Variants in LARP1 observed in about 807,000 individuals in gnomAD.
The protein encoded by LARP1 is la-related protein 1.
In LARP1, 36 loss-of-function variants were observed where a neutral mutation model predicts 122.7. The ratio of observed to expected loss-of-function variants is 0.29; its 90% confidence interval spans 0.22 to 0.39. LARP1 has a LOEUF of 0.39. Ranked by LOEUF, LARP1 falls within the 10% of genes least tolerant of loss-of-function variation. The pLI is 1.00. For missense variants in LARP1, 1,040 were observed against 1,403.6 expected (o/e 0.74, Z 4.14); for synonymous variants, 539 against 528.7 (o/e 1.02, Z -0.27).
At chr5:154,745,780 G>T (rs1399547961) in intron 1 of LARP1, among the ~76,000 whole-genome samples, 1 of 151,458 alleles carries the variant, frequency 6.6e-6, no homozygotes, top group Non-Finnish European at 1.5e-5. Context: ...GCAAAGCTGG[G>T]CCTAAACCCA....
intron 1 of LARP1, among the ~76,000 whole-genome samples, chr5:154,769,687 G>A (rs891980525): frequency 3.9e-5 from 6 of 152,210 alleles, no homozygotes; most frequent in Admixed American, 2.0e-4. Flanking sequence ...CCTCATCTGC[G>A]AAATGGATAT....
Position 154,814,173 on chromosome 5 carries a change from G to T in LARP1, c.*77G>T. ...AGTCCATGGGGGTGCCCAGTCCCAG[G>T]AAAGGGGACAATGAAGGGACAGGCC... On this transcript the variant is annotated 3_prime_UTR_variant, in exon 19 of 19. Coordinates refer to ENST00000518297, the MANE Select transcript of LARP1 (RefSeq NM_033551.3). 1 of 1,444,240 alleles carries T rather than the reference G, an allele frequency of 6.9e-7. No individual in the cohort carries two copies. The highest frequency in any genetic ancestry group is 1.7e-4 in the Middle Eastern group (1 of 5,744). 89.5% of individuals were successfully genotyped at this position (1,444,240 alleles called of 1,614,324 possible).
At chr5:154,721,480 C>G (rs1305892474) in intron 1 of LARP1, among the ~76,000 whole-genome samples, 2 of 152,104 alleles carry the variant, frequency 1.3e-5, no homozygotes, top group East Asian at 3.9e-4. Flanking sequence ...TGAAGGGGTC[C>G]TACGTTACCG....
In LARP1 at chr5:154,790,632, A is replaced by G. The variant is rs746368338; in HGVS notation, c.499-13A>G. 2 of 1,613,924 alleles carry G rather than the reference A, an allele frequency of 1.2e-6. No individual in the cohort carries two copies. The highest frequency in any genetic ancestry group is 2.2e-5 in the East Asian group (1 of 44,868). ...GTCACTCCTGGGGCCCTCATAGTGT[A>G]TGTTCCCTGCAGGTTGGTGACTTTG... On this transcript the variant is annotated splice_polypyrimidine_tract_variant and intron_variant, in intron 2 of 18. Transcript: ENST00000518297.
chr5:154,755,356 C>T (rs1224805820), upstream of LARP1, among the ~76,000 whole-genome samples: 3 of 150,340 alleles, frequency 2.0e-5, no homozygotes, highest in African/African-American at 2.4e-5. Flanking sequence ...CTGCTTGGCT[C>T]GCCGCGCCTC....
chr5:154,796,381 C>G (rs1757856244), intron 8 of LARP1, among the ~76,000 whole-genome samples: 1 of 151,078 alleles, frequency 6.6e-6, no homozygotes, highest in African/African-American at 2.4e-5. Context: ...TGTGTATTGT[C>G]TTATTAAGTC....
At chr5:154,792,529 T>TG in intron 3 of LARP1, 93 bp from the exon 4 acceptor site, 1 of 1,154,664 alleles carries the variant, frequency 8.7e-7, no homozygotes. Context: ...ATGCTGTGGC[T>TG]CCTGCCTGCC....
intron 1 of LARP1, among the ~76,000 whole-genome samples, chr5:154,686,852 T>C (rs1304720758): frequency 6.6e-6 from 1 of 152,234 alleles, no homozygotes; most frequent in African/African-American, 2.4e-5. Context: ...TCCAGTCCCA[T>C]GGATCACTGT....
chr5:154,800,375 T>C (rs1758251005), intron 10 of LARP1, among the ~76,000 whole-genome samples: 1 of 152,174 alleles, frequency 6.6e-6, no homozygotes, highest in African/African-American at 2.4e-5. Context: ...TTTCTGGGGC[T>C]GCGTTTTTGG....
At chr5:154,795,481 C>A (rs1381657744) in intron 8 of LARP1, among the ~76,000 whole-genome samples, 162 bp downstream of exon 8, 1 of 152,108 alleles carries the variant, frequency 6.6e-6, no homozygotes, top group Non-Finnish European at 1.5e-5. Flanking sequence ...TCCTTCCTTT[C>A]TCTCCCTCTC....
rs764571571 is a variant in LARP1 at position 154,808,606 on chromosome 5, G to A, written c.2843+3G>A. 10 of 1,611,860 alleles carry A rather than the reference G, an allele frequency of 6.2e-6. No individual in the cohort carries two copies. In the South Asian group the frequency reaches 1.1e-4, roughly 18 times the overall value. On this transcript the variant is annotated splice_donor_region_variant and intron_variant, in intron 16 of 18. Coordinates refer to ENST00000518297, the MANE Select transcript of LARP1 (RefSeq NM_033551.3). The stretch of plus-strand genomic sequence containing the variant: ...GAGGACGCCAAAGAAGGCTACAGGT[G>A]AGCAGGTTTGGGTGGGGGACTTTGG...
intron 1 of LARP1, among the ~76,000 whole-genome samples, chr5:154,696,128 A>G (rs1402266349): frequency 1.3e-5 from 2 of 152,180 alleles, no homozygotes; most frequent in Non-Finnish European, 2.9e-5. Context: ...AGGCCAAGGC[A>G]GGGAGATTGC....
chr5:154,766,575 C>T (rs1006267689), intron 1 of LARP1, among the ~76,000 whole-genome samples: 1 of 152,160 alleles, frequency 6.6e-6, no homozygotes, highest in South Asian at 2.1e-4. Flanking sequence ...TCATGCTTGC[C>T]TGCTTGCCCC....
chr5:154,813,841 C>T lies in LARP1; in HGVS notation c.3082-46C>T, dbSNP rs182688480. 7.0e-4 allele frequency: 1,079 copies of T among 1,532,138 alleles called. 11 individuals are homozygous for T. The African/African-American group carries it at 0.013, about 19-fold the overall frequency. 94.9% of individuals were successfully genotyped at this position (1,532,138 alleles called of 1,614,324 possible). A position where few individuals can be genotyped will look rare whatever the true frequency, so the allele number is the denominator to read the frequency against. ...TAGACGGGCCTGGCAAGGAAGAGGG[C>T]GTAGATAGTGCTTCTGATCACCTGT... On this transcript the variant is annotated intron_variant, in intron 18 of 18. Transcript: ENST00000518297.
At chr5:154,693,626 C>T (rs1056899281) in intron 1 of LARP1, among the ~76,000 whole-genome samples, 1 of 152,008 alleles carries the variant, frequency 6.6e-6, no homozygotes, top group African/African-American at 2.4e-5. Context: ...GAGGCCGAGG[C>T]GGGCGGATCA....
At chr5:154,724,612 C>T (rs1284100641) in intron 1 of LARP1, among the ~76,000 whole-genome samples, 2 of 151,840 alleles carry the variant, frequency 1.3e-5, no homozygotes, top group Non-Finnish European at 2.9e-5. Context: ...GTAAACAAGG[C>T]TTTCCATTTC....
intron 8 of LARP1, among the ~76,000 whole-genome samples, chr5:154,796,677 C>T (rs4958390): frequency 3.3e-5 from 5 of 152,088 alleles, no homozygotes; most frequent in Admixed American, 2.6e-4. Context: ...CAGCAGTGTT[C>T]GTTAGGATTG....
intron 1 of LARP1, chr5:154,757,168 G>T (rs1351606833): frequency 6.6e-6 from 1 of 151,030 alleles, no homozygotes; most frequent in African/African-American, 2.4e-5. Context: ...CTCTGCAGCC[G>T]GGACAACGTG....
chr5:154,793,645 C>T lies in LARP1; in HGVS notation c.790C>T (p.Pro264Ser). The part of the protein sequence containing the change: ...PLQIDMKPEV[P>S]REKLASRPTR... Reference sequence around the variant, plus strand: ...ACAAATAGACATGAAGCCTGAAGTGCCCAGAGAGAAACTGGCTTCACGCCC... The same window carrying T: ...ACAAATAGACATGAAGCCTGAAGTGTCCAGAGAGAAACTGGCTTCACGCCC... Residue 264 changes from proline (P) to serine (S), a missense_variant, in exon 5 of 19, where the codon CCC (proline) becomes TCC (serine). Coordinates refer to ENST00000518297, the MANE Select transcript of LARP1 (RefSeq NM_033551.3). 6.2e-7 allele frequency: 1 copy of T among 1,614,186 alleles called. No homozygotes were observed. The highest frequency in any genetic ancestry group is 8.5e-7 in the Non-Finnish European group (1 of 1,180,046).
Sources: allele counts gnomAD v4.1 joint callset (sites outside exome capture counted in the v4.1 genomes callset), GRCh38; gene constraint gnomAD v4.1.1; transcripts MANE v1.5; gene names NCBI Gene and HGNC (gene_info 2026-07-23, HGNC 2026-07-21).